DPP6: variants seen among roughly 807,000 people sequenced by gnomAD.
DPP6 encodes the protein A-type potassium channel modulatory protein DPP6.
DPP6 carries 69 observed loss-of-function variants against 122.6 expected under a neutral mutation model. The observed-to-expected ratio is 0.56, with a 90% CI of 0.46 to 0.69. The LOEUF is 0.69. Ranked by LOEUF, DPP6 falls within the 30% of genes least tolerant of loss-of-function variation. The pLI is 0.00. For synonymous variants in DPP6, 418 were observed against 433.1 expected, an observed-to-expected ratio of 0.97 and a Z score of 0.43; for missense variants, 928 against 1,116.9, an observed-to-expected ratio of 0.83 and a Z score of 2.41.
chr7:153,896,480 TGAG>T (rs1799420158), intron 1 of DPP6, among the ~76,000 whole-genome samples: 1 of 152,146 alleles, frequency 6.6e-6, no homozygotes, highest in African/African-American at 2.4e-5. Flanking sequence ...TTTTCTATGA[TGAG>T]GTAAAAATGA....
chr7:153,897,622 T>C (rs80089068), intron 1 of DPP6, among the ~76,000 whole-genome samples: 6,419 of 152,310 alleles, frequency 0.042, 206 homozygotes, highest in East Asian at 0.13. Flanking sequence ...CATAGTCTCT[T>C]TTCTAGGGAA....
intron 5 of DPP6, among the ~76,000 whole-genome samples, chr7:154,619,854 T>A (rs936239530): frequency 3.9e-5 from 6 of 152,208 alleles, no homozygotes; most frequent in Admixed American, 6.5e-5. Context: ...AGTACTTTTT[T>A]AAAAAGTCCC....
chr7:154,131,818 G>C (rs1452232462), intron 1 of DPP6, among the ~76,000 whole-genome samples: 1 of 152,026 alleles, frequency 6.6e-6, no homozygotes, highest in Admixed American at 6.5e-5. Flanking sequence ...AAGGAGAAAA[G>C]AATAAACAAT....
At chr7:154,662,227 G>A (rs1837750296) in intron 6 of DPP6, among the ~76,000 whole-genome samples, 1 of 151,478 alleles carries the variant, frequency 6.6e-6, no homozygotes, top group Non-Finnish European at 1.5e-5. Flanking sequence ...CGCAGTCATG[G>A]TGAATCACCA....
chr7:154,708,532 A>G (rs995824474), intron 7 of DPP6, among the ~76,000 whole-genome samples: 3 of 152,198 alleles, frequency 2.0e-5, no homozygotes, highest in African/African-American at 7.2e-5. Flanking sequence ...TGTGTCCTTC[A>G]TACACATATT....
At chr7:153,826,000 G>A in the DPP6 span, among the ~76,000 whole-genome samples, 1 of 152,192 alleles carries the variant, frequency 6.6e-6, no homozygotes, top group Non-Finnish European at 1.5e-5. Context: ...TGTTAAGCAT[G>A]CTTGCCTGGT....
chr7:154,815,620 G>T (rs1159130970), intron 16 of DPP6, among the ~76,000 whole-genome samples: 1 of 152,138 alleles, frequency 6.6e-6, no homozygotes, highest in African/African-American at 2.4e-5. Context: ...TTGGCCATTT[G>T]GTGCTTCCTA....
Position 154,637,841 on chromosome 7 carries a change from T to A in DPP6, c.648T>A (p.Thr216=), listed in dbSNP as rs370462194. The A allele has an allele frequency of 6.3e-7, 1 of 1,583,494 alleles. No individual in the cohort carries two copies. The highest frequency in any genetic ancestry group is 1.3e-5 in the African/African-American group (1 of 74,782). The change falls in exon 6 of 26, where the codon ACT becomes ACA. Residue 216 remains threonine, a synonymous_variant. Transcript: ENST00000377770. ...NVEPIYQHSY[T]GYYVLSKIPH... ...TGCAGATATATCAACACTCGTATAC[T>A]GGATATTACGTCCTGAGCAAAATTC...
intron 6 of DPP6, among the ~76,000 whole-genome samples, chr7:154,651,413 T>G (rs775644069): frequency 6.6e-6 from 1 of 152,156 alleles, no homozygotes; most frequent in Non-Finnish European, 1.5e-5. Context: ...CCTATTCCCC[T>G]TTTTTCCTAG....
Position 154,488,589 on chromosome 7 carries a change from G to A in DPP6, c.457+13552G>A, listed in dbSNP as rs565988126. Among the ~76,000 whole-genome samples the A allele has an allele frequency of 4.0e-5, 6 of 151,608 alleles. No individual in the cohort carries two copies. In the South Asian group the frequency reaches 8.4e-4, roughly 21 times the overall value. ...CCTCATACTAGATGTGTTCTCCATC[G>A]TAAGTTTGATACTTGCCACTTATTG... On this transcript the variant is annotated intron_variant, in intron 3 of 25. Transcript: ENST00000377770.
chr7:154,354,362 G>T (rs550438250), intron 1 of DPP6, among the ~76,000 whole-genome samples: 1 of 152,118 alleles, frequency 6.6e-6, no homozygotes, highest in Non-Finnish European at 1.5e-5. Context: ...TACAATGGCC[G>T]TATAGGAGGC....
At chr7:153,874,824 C>G in the DPP6 span, among the ~76,000 whole-genome samples, 2,127 of 151,976 alleles carry the variant, frequency 0.014, 58 homozygotes, top group African/African-American at 0.049. Flanking sequence ...AGGGAGCAAA[C>G]AAAAAAATTC....
At chr7:154,347,521 T>G (rs1162656118) in intron 1 of DPP6, among the ~76,000 whole-genome samples, 1 of 152,226 alleles carries the variant, frequency 6.6e-6, no homozygotes, top group Non-Finnish European at 1.5e-5. Flanking sequence ...TGACAGCTAA[T>G]TACCTGGAAG....
intron 8 of DPP6, among the ~76,000 whole-genome samples, chr7:154,750,493 G>A (rs1843323875): frequency 6.6e-6 from 1 of 152,196 alleles, no homozygotes; most frequent in Non-Finnish European, 1.5e-5. Flanking sequence ...TGAGTGCGTG[G>A]GAAGGCAAAA....
chr7:153,801,397 G>C, the DPP6 span, among the ~76,000 whole-genome samples: 15 of 152,026 alleles, frequency 9.9e-5, no homozygotes, highest in Non-Finnish European at 1.8e-4. Flanking sequence ...TACCCTATGG[G>C]TTCTTTCAAA....
chr7:153,809,718 C>G, the DPP6 span, among the ~76,000 whole-genome samples: 1 of 151,664 alleles, frequency 6.6e-6, no homozygotes, highest in African/African-American at 2.4e-5. Flanking sequence ...TGTGTTCTAA[C>G]CTTGGATCTG....
chr7:154,773,050 C>T lies in DPP6; in HGVS notation c.1136+108C>T, dbSNP rs893192372. ...TTTATCTTACAACAAGTTTAAACATCCAAGAAAAAGGTACCTTTCCTAAAG... is the reference window on the plus strand; with the variant it reads ...TTTATCTTACAACAAGTTTAAACATTCAAGAAAAAGGTACCTTTCCTAAAG... On this transcript the variant is annotated intron_variant, in intron 10 of 25. Coordinates refer to ENST00000377770, the MANE Select transcript of DPP6 (RefSeq NM_130797.4). 3.7e-5 allele frequency: 49 copies of T among 1,329,722 alleles called. No individual in the cohort carries two copies. The Middle Eastern group carries it at 7.9e-4, about 21-fold the overall frequency. 82.4% of individuals were successfully genotyped at this position (1,329,722 alleles called of 1,614,324 possible).
At chr7:154,196,994 T>C (rs774060654) in intron 1 of DPP6, among the ~76,000 whole-genome samples, 1 of 152,052 alleles carries the variant, frequency 6.6e-6, no homozygotes, top group Non-Finnish European at 1.5e-5. Flanking sequence ...AATCTCCAAG[T>C]TTCTATGTTT....
intron 5 of DPP6, among the ~76,000 whole-genome samples, chr7:154,574,229 TGTGTG>T (rs1831306368): frequency 6.6e-6 from 1 of 150,968 alleles, no homozygotes; most frequent in Non-Finnish European, 1.5e-5. Flanking sequence ...GTGTGGCGTG[TGTGTG>T]GTGTGGTGTG....
Sources: gnomAD v4.1 joint callset for allele counts (sites outside exome capture counted in the v4.1 genomes callset) on GRCh38, gnomAD v4.1.1 for gene constraint, MANE v1.5 for transcripts, NCBI Gene and HGNC (gene_info 2026-07-23, HGNC 2026-07-21) for gene names.